DFFA: variants seen among roughly 807,000 people sequenced by gnomAD.
The protein encoded by DFFA is DNA fragmentation factor subunit alpha.
In DFFA, 14 loss-of-function variants were observed where a neutral mutation model predicts 28.0. That is an observed-to-expected ratio of 0.50 (90% CI 0.33 to 0.78). DFFA has a LOEUF of 0.78. Ranked by LOEUF, DFFA falls within the 30% of genes least tolerant of loss-of-function variation. The pLI, the probability that DFFA is intolerant of heterozygous loss-of-function variation, is 0.02. For synonymous variants in DFFA, 158 were observed against 170.3 expected (o/e 0.93, Z 0.56); for missense variants, 395 against 407.1 (o/e 0.97, Z 0.26).
intron 2 of DFFA, 45 bp downstream of exon 2, chr1:10,469,132 T>C (rs1171612523): frequency 6.3e-7 from 1 of 1,580,308 alleles, no homozygotes. Flanking sequence ...TCATGATGGA[T>C]GCTGTACTGC....
At chr1:10,462,987 CCT>C (rs1557793021) in intron 5 of DFFA, 69 bp downstream of exon 5, 1 of 1,598,798 alleles carries the variant, frequency 6.3e-7, no homozygotes, top group East Asian at 2.3e-5. Flanking sequence ...GGCCCACACA[CCT>C]CTGCATGATA....
At chr1:10,465,274 T>G (rs1267298926) in intron 3 of DFFA, among the ~76,000 whole-genome samples, 3 of 151,992 alleles carry the variant, frequency 2.0e-5, no homozygotes, top group African/African-American at 7.3e-5. Context: ...TTTGTAATTT[T>G]TTTGTTTTTT....
At chr1:10,464,147 C>T (rs1486527281) in intron 3 of DFFA, among the ~76,000 whole-genome samples, 1 of 151,230 alleles carries the variant, frequency 6.6e-6, no homozygotes, top group Non-Finnish European at 1.5e-5. Context: ...GGCTGGAGTG[C>T]AGTGGCACGA....
chr1:10,470,051 T>A (rs1034994983), intron 1 of DFFA, among the ~76,000 whole-genome samples: 9 of 152,046 alleles, frequency 5.9e-5, no homozygotes, highest in Non-Finnish European at 1.3e-4. Flanking sequence ...CCCGACTTAA[T>A]GATCTACCTG....
chr1:10,456,611 GACT>G lies in DFFA; in HGVS notation c.*4876_*4878del, dbSNP rs1557789285. On this transcript the variant is annotated 3_prime_UTR_variant, in exon 6 of 6. Transcript: ENST00000377038. Reference sequence around the variant, plus strand: ...TGATGCAGGTTTTCTTTTTTCTACAGACTACTATTATTTTATTCTTGTCTCTCT... The same window carrying G: ...TGATGCAGGTTTTCTTTTTTCTACAGACTATTATTTTATTCTTGTCTCTCT... The G allele has an allele frequency of 6.6e-6, 1 of 150,484 alleles. No homozygotes were observed. The highest frequency in any genetic ancestry group is 2.1e-4 in the South Asian group (1 of 4,778). The allele number at this position is 150,484 out of a possible 1,614,324, so 9.3% of individuals were successfully genotyped here.
In DFFA at chr1:10,461,512, C is replaced by A. The variant is rs140269107; in HGVS notation, c.974G>T (p.Arg325Leu). Residue 325 changes from arginine to leucine, a missense_variant, in exon 6 of 6, where the codon CGA (arginine) becomes CTA (leucine). By Grantham distance (102) the Arg-to-Leu change is moderately radical. Coordinates refer to ENST00000377038, the MANE Select transcript of DFFA (RefSeq NM_004401.3). ...CTGCTATGTGGGATCCTGTCTGGCT[C>A]GCTTAGGATTCTGCAGGTCACCAGG... ...SPPGDLQNPK[R>L]ARQDPT 3.1e-6 allele frequency: 5 copies of A among 1,614,008 alleles called. No individual in the cohort carries two copies. The Admixed American group carries it at 8.3e-5, about 27-fold the overall frequency.
chr1:10,465,464 C>T (rs546233623), intron 3 of DFFA, among the ~76,000 whole-genome samples: 3 of 151,832 alleles, frequency 2.0e-5, no homozygotes, highest in African/African-American at 7.2e-5. Context: ...CGGGATTTCA[C>T]CATCTTGGCC....
intron 2 of DFFA, 123 bp from the exon 3 acceptor site, chr1:10,467,455 C>T: frequency 9.3e-7 from 1 of 1,070,738 alleles, no homozygotes; most frequent in Non-Finnish European, 1.4e-6. Flanking sequence ...AGCATCTTAT[C>T]TCAAGGATTC....
rs1413473087 is a variant in DFFA at position 10,457,727 on chromosome 1, G to A, written c.*3763C>T. ...ATAGTACTTCATTTAACCCTTTCAAGCTTGGAGCCTTAGACTAACTGAGAG... is the reference window on the plus strand; with the variant it reads ...ATAGTACTTCATTTAACCCTTTCAAACTTGGAGCCTTAGACTAACTGAGAG... On this transcript the variant is annotated 3_prime_UTR_variant, in exon 6 of 6. Transcript: ENST00000377038. 1 of 152,092 alleles carries A rather than the reference G, an allele frequency of 6.6e-6. No homozygotes were observed. Among genetic ancestry groups the A allele is most frequent in the Non-Finnish European group, 1.5e-5 (1 of 68,036 alleles). The allele number at this position is 152,092 out of a possible 1,614,324, so 9.4% of individuals were successfully genotyped here.
At position 10,459,164 on chromosome 1, in the gene DFFA, T is replaced by C. The variant is rs1047854859; in HGVS notation, c.*2326A>G. The C allele has an allele frequency of 6.6e-6, 1 of 152,232 alleles. No individual in the cohort carries two copies. Among genetic ancestry groups the C allele is most frequent in the Non-Finnish European group, 1.5e-5 (1 of 68,046 alleles). The allele number at this position is 152,232 out of a possible 1,614,324, so 9.4% of individuals were successfully genotyped here. On this transcript the variant is annotated 3_prime_UTR_variant, in exon 6 of 6. Transcript: ENST00000377038. ...CCACTGCGCCCGGCCTATTGTGATA[T>C]TTCTTTACTTAATAACTAGCAGATG... is the stretch of plus-strand genomic sequence containing the variant.
chr1:10,468,554 T>C lies in DFFA; in HGVS notation c.298+623A>G, dbSNP rs1176912631. ...CTTAGGGGACAGGTTCTATAATTATTATGTCAACAAGGCACTGAGAAGTTA... is the reference window on the plus strand; with the variant it reads ...CTTAGGGGACAGGTTCTATAATTATCATGTCAACAAGGCACTGAGAAGTTA... On this transcript the variant is annotated intron_variant, in intron 2 of 5. Coordinates refer to ENST00000377038, the MANE Select transcript of DFFA (RefSeq NM_004401.3). Among the ~76,000 whole-genome samples, 6 of 151,852 alleles carry C rather than the reference T, an allele frequency of 4.0e-5. No homozygotes were observed. The East Asian group carries it at 1.2e-3, about 29-fold the overall frequency.
rs58464882 is a variant in DFFA at position 10,460,530 on chromosome 1, CTT to C, written c.*958_*959del. ...GGTGTGAGCCACTGTCGTGCCTGTC[CTT>C]TTTTTTTTTTTTTTTGAGACAGAGT... is the stretch of plus-strand genomic sequence containing the variant. On this transcript the variant is annotated 3_prime_UTR_variant, in exon 6 of 6. Transcript: ENST00000377038. The C allele has an allele frequency of 0.8, 87,935 of 109,598 alleles. 34,958 individuals carry two copies. Among genetic ancestry groups the C allele is most frequent in the Middle Eastern group, 0.9 (151 of 168 alleles). 6.8% of individuals were successfully genotyped at this position (109,598 alleles called of 1,614,324 possible).
chr1:10,465,251 C>T (rs1329132039), intron 3 of DFFA, among the ~76,000 whole-genome samples: 5 of 152,086 alleles, frequency 3.3e-5, no homozygotes, highest in African/African-American at 7.2e-5. Flanking sequence ...CACGCCATCA[C>T]GCCCAGCTAA....
chr1:10,470,507 C>T (rs1641082314), intron 1 of DFFA, among the ~76,000 whole-genome samples: 1 of 149,222 alleles, frequency 6.7e-6, no homozygotes, highest in African/African-American at 2.5e-5. Flanking sequence ...TCACTGCAAG[C>T]TCCGCCCCCC....
At position 10,460,151 on chromosome 1, in the gene DFFA, A is replaced by T. The variant is rs1029777793; in HGVS notation, c.*1339T>A. ...TCCCAGCTGCTCAGGAGGCTGAAAC[A>T]GGAGAATCGCTTGAACCTGGGAGGT... On this transcript the variant is annotated 3_prime_UTR_variant, in exon 6 of 6. Coordinates refer to ENST00000377038, the MANE Select transcript of DFFA (RefSeq NM_004401.3). 1 of 151,942 alleles carries T rather than the reference A, an allele frequency of 6.6e-6. No individual in the cohort carries two copies. Among genetic ancestry groups the T allele is most frequent in the African/African-American group, 2.4e-5 (1 of 41,422 alleles). The allele number at this position is 151,942 out of a possible 1,614,324, so 9.4% of individuals were successfully genotyped here. A position where few individuals can be genotyped will look rare whatever the true frequency, so the allele number is the denominator to read the frequency against.
intron 5 of DFFA, 22 bp from the exon 6 acceptor site, chr1:10,461,724 C>T (rs1461021859): frequency 5.0e-6 from 8 of 1,613,104 alleles, no homozygotes; most frequent in Non-Finnish European, 6.8e-6. Flanking sequence ...ATAAAAACCC[C>T]TGAGAACTGG....
At chr1:10,469,410 T>C in intron 1 of DFFA, 72 bp from the exon 2 acceptor site, 5 of 1,395,010 alleles carry the variant, frequency 3.6e-6, no homozygotes, top group Non-Finnish European at 4.0e-6. Context: ...GCATCTCAAG[T>C]ATGTATGGCT....
intron 3 of DFFA, among the ~76,000 whole-genome samples, chr1:10,466,952 C>CAAAAAA (rs34597195): frequency 6.1e-5 from 2 of 32,734 alleles, no homozygotes; most frequent in African/African-American, 8.0e-5. Flanking sequence ...GACTGTGTCT[C>CAAAAAA]AAAAAAAAAA....
intron 2 of DFFA, 111 bp downstream of exon 2, chr1:10,469,066 T>C (rs1437343682): frequency 8.4e-7 from 1 of 1,183,806 alleles, no homozygotes; most frequent in Non-Finnish European, 1.2e-6. Flanking sequence ...TAAATATCTG[T>C]TGAACAAATG....
Sources: allele counts gnomAD v4.1 joint callset (sites outside exome capture counted in the v4.1 genomes callset), GRCh38; gene constraint gnomAD v4.1.1; transcripts MANE v1.5; gene names NCBI Gene and HGNC (gene_info 2026-07-23, HGNC 2026-07-21).